Variants in SH3PXD2A observed in about 807,000 individuals in gnomAD.
SH3PXD2A encodes the protein SH3 and PX domain-containing protein 2A.
In SH3PXD2A, 32 loss-of-function variants were observed where a neutral mutation model predicts 115.2. The ratio of observed to expected loss-of-function variants is 0.28; its 90% CI spans 0.21 to 0.37. SH3PXD2A has a LOEUF of 0.37. Among genes scored for constraint, SH3PXD2A ranks in the 10% least tolerant of loss-of-function variants. The probability of loss-of-function intolerance (pLI) is 1.00; values close to 1 mark genes in which losing one functional copy is unlikely to be tolerated. For missense variants in SH3PXD2A, 1,328 were observed against 1,498.7 expected, an observed-to-expected ratio of 0.89 and a Z score of 1.88; for synonymous variants, 610 against 629.1, an observed-to-expected ratio of 0.97 and a Z score of 0.45.
intron 1 of SH3PXD2A, among the ~76,000 whole-genome samples, 180 bp from the exon 2 acceptor site, chr10:103,801,542 T>TACACACACACACACACACAC (rs148335179): frequency 0.075 from 10,712 of 142,736 alleles, 507 homozygotes; most frequent in South Asian, 0.16. Flanking sequence ...TATGTCTAAA[T>TACACACACACACACACACAC]ACACACACAC....
chr10:103,662,621 G>C (rs1200500512), intron 7 of SH3PXD2A, among the ~76,000 whole-genome samples: 3 of 150,666 alleles, frequency 2.0e-5, no homozygotes, highest in Admixed American at 2.0e-4. Context: ...GGATGGTCTC[G>C]ATCTCCTGAC....
At chr10:103,682,824 G>C (rs754462598) in intron 6 of SH3PXD2A, among the ~76,000 whole-genome samples, 1 of 151,860 alleles carries the variant, frequency 6.6e-6, no homozygotes, top group Non-Finnish European at 1.5e-5. Context: ...GCCTTCAAAA[G>C]ACACGCTCAC....
chr10:103,848,249 C>T (rs7910755), intron 1 of SH3PXD2A, among the ~76,000 whole-genome samples: 131,927 of 151,792 alleles, frequency 0.87, 58,527 homozygotes, highest in East Asian at 0.99. Flanking sequence ...TCCCCAGGAG[C>T]CTGGGTGCAA....
intron 5 of SH3PXD2A, among the ~76,000 whole-genome samples, chr10:103,704,138 C>T (rs539402518): frequency 1.3e-5 from 2 of 152,226 alleles, no homozygotes; most frequent in East Asian, 1.9e-4. Context: ...GGTTCACCCT[C>T]GAGAGGGGAG....
rs1221978276 is a variant in SH3PXD2A at position 103,756,720 on chromosome 10, G to A, written c.229+10374C>T. Among the ~76,000 whole-genome samples the A allele has an allele frequency of 2.6e-5, 4 of 152,076 alleles. No homozygotes were observed. Among genetic ancestry groups the A allele is most frequent in the Non-Finnish European group, 4.4e-5 (3 of 67,994 alleles). ...CCAGGGCTGCCCAGACAGAGCTATG[G>A]GCAGTCATCCTCGACCCCACCCCAC... is the stretch of plus-strand genomic sequence containing the variant. On this transcript the variant is annotated intron_variant, in intron 3 of 14. Transcript: ENST00000369774. The surrounding 1 kb of genome is among the most constrained non-coding windows in gnomAD (Gnocchi z 4.4).
intron 8 of SH3PXD2A, among the ~76,000 whole-genome samples, chr10:103,629,809 A>T (rs901123353): frequency 6.6e-6 from 1 of 152,172 alleles, no homozygotes; most frequent in Non-Finnish European, 1.5e-5. Flanking sequence ...AATGCCCAAC[A>T]ACCTTTCCCT....
intron 10 of SH3PXD2A, among the ~76,000 whole-genome samples, chr10:103,618,149 C>T (rs530605571): frequency 2.6e-5 from 4 of 152,298 alleles, no homozygotes; most frequent in Admixed American, 6.5e-5. Context: ...AAGGTCCTCC[C>T]GAGGTGCTGG....
chr10:103,668,766 G>GCGGGC (rs1564859048), intron 6 of SH3PXD2A, 114 bp from the exon 7 acceptor site: 1 of 930,880 alleles, frequency 1.1e-6, no homozygotes, highest in Non-Finnish European at 1.7e-6. Flanking sequence ...TCGGCCAGCC[G>GCGGGC]CGGGCGGAAG....
intron 2 of SH3PXD2A, among the ~76,000 whole-genome samples, chr10:103,793,799 A>G (rs1228251550): frequency 6.6e-6 from 1 of 152,232 alleles, no homozygotes; most frequent in East Asian, 1.9e-4. Flanking sequence ...CTCAATGATT[A>G]AAAGGCAGAG....
chr10:103,693,370 T>C (rs2037785652), intron 5 of SH3PXD2A: 1 of 151,778 alleles, frequency 6.6e-6, no homozygotes, highest in Non-Finnish European at 1.5e-5. Flanking sequence ...CGAGGCAGGT[T>C]CTCCTCACTT....
Position 103,627,564 on chromosome 10 carries a change from A to G in SH3PXD2A, c.605-362T>C, listed in dbSNP as rs2036716953. Among the ~76,000 whole-genome samples the G allele has an allele frequency of 6.6e-6, 1 of 152,200 alleles. No individual in the cohort carries two copies. Among genetic ancestry groups the G allele is most frequent in the Admixed American group, 6.5e-5 (1 of 15,284 alleles). Reference sequence around the variant, plus strand: ...AGACCATTTATGGTCTTTGAAACCCATTAGGATGACTGGTTTGCCTGGAGC... The same window carrying G: ...AGACCATTTATGGTCTTTGAAACCCGTTAGGATGACTGGTTTGCCTGGAGC... On this transcript the variant is annotated intron_variant, in intron 8 of 14. Transcript: ENST00000369774. The surrounding 1 kb of genome is among the most constrained non-coding windows in gnomAD (Gnocchi z 4.4).
At chr10:103,639,335 G>A (rs1032210055) in intron 8 of SH3PXD2A, among the ~76,000 whole-genome samples, 1 of 152,190 alleles carries the variant, frequency 6.6e-6, no homozygotes, top group African/African-American at 2.4e-5. Context: ...TTCAAGGCCG[G>A]GCATGGTGGC....
chr10:103,644,683 T>C (rs1486442744), intron 8 of SH3PXD2A, among the ~76,000 whole-genome samples: 1 of 151,500 alleles, frequency 6.6e-6, no homozygotes, highest in East Asian at 2.0e-4. Flanking sequence ...CTCCTAACTA[T>C]CCCCAGTAGA....
intron 8 of SH3PXD2A, among the ~76,000 whole-genome samples, chr10:103,636,265 C>T (rs924507098): frequency 5.9e-5 from 9 of 151,996 alleles, no homozygotes; most frequent in South Asian, 4.1e-4. Flanking sequence ...AAAAATTAGC[C>T]GGGCGTGGTG....
At chr10:103,636,680 G>C (rs2036870997) in intron 8 of SH3PXD2A, among the ~76,000 whole-genome samples, 1 of 152,132 alleles carries the variant, frequency 6.6e-6, no homozygotes, top group South Asian at 2.1e-4. Flanking sequence ...AGTCAGGCCA[G>C]CTGCACACAA....
At chr10:103,652,847 T>C (rs1444838197) in intron 8 of SH3PXD2A, among the ~76,000 whole-genome samples, 1 of 152,140 alleles carries the variant, frequency 6.6e-6, no homozygotes, top group Non-Finnish European at 1.5e-5. Flanking sequence ...AGGAGGCAAG[T>C]CACCTCTGTC....
At chr10:103,837,101 G>C (rs2039551931) in intron 1 of SH3PXD2A, among the ~76,000 whole-genome samples, 1 of 152,196 alleles carries the variant, frequency 6.6e-6, no homozygotes, top group Admixed American at 6.5e-5. Flanking sequence ...CACTGACTGA[G>C]CTCCTCCCTG....
chr10:103,798,697 G>A (rs886220118), intron 2 of SH3PXD2A, among the ~76,000 whole-genome samples: 1 of 152,200 alleles, frequency 6.6e-6, no homozygotes, highest in Non-Finnish European at 1.5e-5. Context: ...AAGGAAAGGA[G>A]CAAAACATTT....
At chr10:103,612,817 T>G in intron 12 of SH3PXD2A, 36 bp downstream of exon 12, 2 of 1,443,182 alleles carry the variant, frequency 1.4e-6, no homozygotes, top group African/African-American at 1.4e-5. Flanking sequence ...CTAAGGAGCT[T>G]TGCAGTGAGG....
Sources: gnomAD v4.1 joint callset for allele counts (sites outside exome capture counted in the v4.1 genomes callset) on GRCh38, gnomAD v4.1.1 for gene constraint, Gnocchi (gnomAD v3.1) non-coding constraint, MANE v1.5 for transcripts, NCBI Gene and HGNC (gene_info 2026-07-23, HGNC 2026-07-21) for gene names.